RALYL: variants seen among roughly 807,000 people sequenced by gnomAD.
RALYL encodes the protein RALY RNA binding protein like, also known as RNA-binding Raly-like protein.
Under a neutral mutation model 35.1 loss-of-function variants are expected in RALYL, and 29 were observed. The ratio of observed to expected loss-of-function variants is 0.83; its 90% CI spans 0.61 to 1.13. The LOEUF is 1.13. Among genes scored for constraint, RALYL ranks in the 50% most tolerant of loss-of-function variants. RALYL has a pLI of 0.00. For missense variants in RALYL, 359 were observed against 360.4 expected (o/e 1.00, Z 0.03); for synonymous variants, 120 against 127.6 (o/e 0.94, Z 0.40).
At chr8:84,868,700 TTTTC>T (rs1021826731) in intron 6 of RALYL, among the ~76,000 whole-genome samples, 1 of 152,164 alleles carries the variant, frequency 6.6e-6, no homozygotes, top group African/African-American at 2.4e-5. Context: ...CTCCATTTCA[TTTTC>T]TTTCTAAAAA....
intron 1 of RALYL, among the ~76,000 whole-genome samples, chr8:84,406,456 C>T (rs756980447): frequency 1.1e-4 from 17 of 151,500 alleles, no homozygotes; most frequent in Non-Finnish European, 1.6e-4. Context: ...GGAGAAAAAA[C>T]CCTATCTTCT....
At chr8:84,635,007 GC>G (rs1424787627) in intron 2 of RALYL, among the ~76,000 whole-genome samples, 1 of 151,696 alleles carries the variant, frequency 6.6e-6, no homozygotes, top group Non-Finnish European at 1.5e-5. Flanking sequence ...CCTGCTGTTT[GC>G]CAGATAATGG....
chr8:84,183,502 G>T lies in RALYL; in HGVS notation c.-946G>T, dbSNP rs1021919417. ...GGCAGAGACTGCGAGAAAAAAACGC[G>T]CTTCATTCCTTCTTCCACCGCCATA... On this transcript the variant is annotated 5_prime_UTR_variant, in exon 1 of 9. Transcript: ENST00000521268. The T allele has an allele frequency of 6.6e-6, 1 of 152,328 alleles. No homozygotes were observed. The highest frequency in any genetic ancestry group is 2.4e-5 in the African/African-American group (1 of 41,440). The allele number at this position is 152,328 out of a possible 1,614,324, so 9.4% of individuals were successfully genotyped here.
At chr8:84,436,550 T>G (rs1410662382) in intron 1 of RALYL, among the ~76,000 whole-genome samples, 2 of 146,036 alleles carry the variant, frequency 1.4e-5, no homozygotes, top group East Asian at 4.0e-4. Context: ...GGAGTTTTTT[T>G]TTTTTTTTTT....
intron 3 of RALYL, among the ~76,000 whole-genome samples, chr8:84,803,852 T>G (rs947500051): frequency 3.3e-5 from 5 of 152,230 alleles, no homozygotes; most frequent in African/African-American, 7.2e-5. Flanking sequence ...AATTCTAAGA[T>G]AGTCATTTCA....
intron 1 of RALYL, among the ~76,000 whole-genome samples, chr8:84,265,902 T>TC (rs376865931): frequency 1.5e-4 from 23 of 152,298 alleles, no homozygotes; most frequent in African/African-American, 4.3e-4. Flanking sequence ...TTCATCCCTT[T>TC]CTTTCCTTTC....
chr8:84,217,816 C>T (rs1821183853), intron 1 of RALYL, among the ~76,000 whole-genome samples: 1 of 152,070 alleles, frequency 6.6e-6, no homozygotes, highest in African/African-American at 2.4e-5. Flanking sequence ...GAAGATAAAA[C>T]TAGGAGCCTA....
At chr8:84,460,223 A>G (rs2050598194) in intron 1 of RALYL, among the ~76,000 whole-genome samples, 1 of 151,712 alleles carries the variant, frequency 6.6e-6, no homozygotes, top group African/African-American at 2.4e-5. Context: ...ATTATGGAAG[A>G]TCTATATTTG....
At chr8:84,596,926 G>A (rs1287221573) in intron 2 of RALYL, among the ~76,000 whole-genome samples, 1 of 152,086 alleles carries the variant, frequency 6.6e-6, no homozygotes, top group East Asian at 1.9e-4. Context: ...GGGGAGGCTG[G>A]TAGAGTCTCT....
At chr8:84,348,517 G>C (rs1053418540) in intron 1 of RALYL, among the ~76,000 whole-genome samples, 7 of 152,050 alleles carry the variant, frequency 4.6e-5, no homozygotes, top group African/African-American at 1.4e-4. Flanking sequence ...TACCCAGCCA[G>C]TTGTCCATTT....
At chr8:84,748,770 C>T (rs1396938421) in intron 2 of RALYL, among the ~76,000 whole-genome samples, 1 of 152,046 alleles carries the variant, frequency 6.6e-6, no homozygotes, top group African/African-American at 2.4e-5. Flanking sequence ...CCATAATCAA[C>T]ATTTTCTAAA....
intron 2 of RALYL, among the ~76,000 whole-genome samples, chr8:84,724,950 T>G (rs1322760382): frequency 6.6e-6 from 1 of 151,712 alleles, no homozygotes; most frequent in African/African-American, 2.4e-5. Context: ...TATTTTATGT[T>G]GCAATCACTA....
At chr8:84,301,870 T>G (rs1412498263) in intron 1 of RALYL, among the ~76,000 whole-genome samples, 1 of 152,132 alleles carries the variant, frequency 6.6e-6, no homozygotes, top group African/African-American at 2.4e-5. Context: ...TCTCCTTATA[T>G]AACTTATATC....
chr8:84,721,924 G>A (rs1463731718), intron 2 of RALYL, among the ~76,000 whole-genome samples: 1 of 152,014 alleles, frequency 6.6e-6, no homozygotes, highest in African/African-American at 2.4e-5. Context: ...GGTATCAACT[G>A]GAAATTCTTG....
At chr8:84,554,785 T>G (rs1195748594) in intron 2 of RALYL, among the ~76,000 whole-genome samples, 1 of 152,176 alleles carries the variant, frequency 6.6e-6, no homozygotes, top group African/African-American at 2.4e-5. Flanking sequence ...ACTATATAAA[T>G]GCAAGTAAAT....
At chr8:84,741,611 C>T (rs543193859) in intron 2 of RALYL, among the ~76,000 whole-genome samples, 1 of 152,114 alleles carries the variant, frequency 6.6e-6, no homozygotes, top group African/African-American at 2.4e-5. Flanking sequence ...TGACTGAGCA[C>T]TTATGACTTA....
intron 2 of RALYL, among the ~76,000 whole-genome samples, chr8:84,558,595 A>T (rs1311997622): frequency 6.6e-6 from 1 of 152,208 alleles, no homozygotes; most frequent in African/African-American, 2.4e-5. Context: ...GTTAGTTTAA[A>T]TCACTTCTGT....
intron 1 of RALYL, among the ~76,000 whole-genome samples, chr8:84,274,972 T>C (rs1293463212): frequency 3.3e-5 from 5 of 152,160 alleles, no homozygotes; most frequent in Non-Finnish European, 1.5e-5. Context: ...AACAATCAGC[T>C]GAGGCCAGAG....
chr8:84,774,224 GA>G (rs1383860075), intron 2 of RALYL, among the ~76,000 whole-genome samples: 2 of 151,996 alleles, frequency 1.3e-5, no homozygotes, highest in African/African-American at 4.8e-5. Flanking sequence ...GTCTTTTAGG[GA>G]AAAAAGAAAA....
Sources: allele counts gnomAD v4.1 joint callset (sites outside exome capture counted in the v4.1 genomes callset), GRCh38; gene constraint gnomAD v4.1.1; transcripts MANE v1.5; gene names NCBI Gene and HGNC (gene_info 2026-07-23, HGNC 2026-07-21).